CCT8: variants seen among roughly 807,000 people sequenced by gnomAD.
CCT8 encodes the protein T-complex protein 1 subunit theta.
A neutral mutation model predicts 65.7 loss-of-function variants in CCT8; 10 were observed. The observed-to-expected ratio is 0.15, with a 90% CI of 0.09 to 0.26. The LOEUF (loss-of-function observed/expected upper bound fraction) is 0.26. Among genes scored for constraint, CCT8 ranks in the 10% least tolerant of loss-of-function variants. The probability of loss-of-function intolerance (pLI) is 1.00; values close to 1 mark genes in which losing one functional copy is unlikely to be tolerated. For missense variants in CCT8, 568 were observed against 669.1 expected (o/e 0.85, Z 1.67); for synonymous variants, 199 against 221.8 (o/e 0.90, Z 0.92).
intron 13 of CCT8, 132 bp from the exon 14 acceptor site, chr21:29,060,792 A>G (rs1302261987): frequency 1.1e-6 from 1 of 920,132 alleles, no homozygotes; most frequent in Admixed American, 2.6e-5. Flanking sequence ...TTATAGAGTC[A>G]TCCTTTAGTA....
intron 14 of CCT8, among the ~76,000 whole-genome samples, chr21:29,057,125 A>G (rs963612952): frequency 6.7e-6 from 1 of 150,288 alleles, no homozygotes. Context: ...AAAAAGCGCC[A>G]CAAACCTCAC....
chr21:29,070,414 T>C, intron 1 of CCT8, 77 bp from the exon 2 acceptor site: 1 of 796,118 alleles, frequency 1.3e-6, no homozygotes, highest in South Asian at 1.7e-5. Context: ...CAAGATATCT[T>C]TGCTTATATC....
At position 29,056,405 on chromosome 21, in the gene CCT8, G is replaced by C. The variant is rs2085498814; in HGVS notation, c.*70C>G. On this transcript the variant is annotated 3_prime_UTR_variant, in exon 15 of 15. Coordinates refer to ENST00000286788, the MANE Select transcript of CCT8 (RefSeq NM_006585.4). The stretch of plus-strand genomic sequence containing the variant: ...ATAACTCTTAATTTAAGGAGAATAA[G>C]AAAACATCAGGTGATTCTTGAGTAC... 2.6e-6 allele frequency: 2 copies of C among 766,512 alleles called. No homozygotes were observed. The highest frequency in any genetic ancestry group is 6.2e-5 in the South Asian group (2 of 32,098). 47.5% of individuals were successfully genotyped at this position (766,512 alleles called of 1,614,324 possible). A position where few individuals can be genotyped will look rare whatever the true frequency, so the allele number is the denominator to read the frequency against.
intron 14 of CCT8, chr21:29,060,117 T>C (rs1383314562): frequency 1.3e-5 from 2 of 152,572 alleles, no homozygotes; most frequent in Non-Finnish European, 2.9e-5. Flanking sequence ...GAAATATGAT[T>C]TTAAACACCT....
rs753499178 is a variant in CCT8, at chr21:29,067,550, A to C, written c.381+6T>G. 6.9e-7 allele frequency: 1 copy of C among 1,444,510 alleles called. No homozygotes were observed. Among genetic ancestry groups the C allele is most frequent in the Non-Finnish European group, 9.1e-7 (1 of 1,102,698 alleles). 89.5% of individuals were successfully genotyped at this position (1,444,510 alleles called of 1,614,324 possible). ...TAGTAGGAGTAAATTATAAATGAACACTTGCCTCTGAAACTGACAGGCCAA... is the reference window on the plus strand; with the variant it reads ...TAGTAGGAGTAAATTATAAATGAACCCTTGCCTCTGAAACTGACAGGCCAA... On this transcript the variant is annotated splice_donor_region_variant and intron_variant, in intron 4 of 14. Coordinates refer to ENST00000286788, the MANE Select transcript of CCT8 (RefSeq NM_006585.4).
In CCT8 at chr21:29,062,526, A is replaced by G. The variant is rs2085575712; in HGVS notation, c.972T>C (p.Leu324=). 6.2e-7 allele frequency: 1 copy of G among 1,613,976 alleles called. No homozygotes were observed. ...GAGCTGTAGCACCAACAGTTTTACAAAGTCTTCGGAGATCCCATTTTGAGT... is the reference window on the plus strand; with the variant it reads ...GAGCTGTAGCACCAACAGTTTTACAGAGTCTTCGGAGATCCCATTTTGAGT... The part of the protein sequence containing the change: ...RLNSKWDLRR[L]CKTVGATALP... Residue 324 remains leucine (L), a synonymous_variant, in exon 9 of 15, where the codon CTT becomes CTC. Coordinates refer to ENST00000286788, the MANE Select transcript of CCT8 (RefSeq NM_006585.4).
At chr21:29,059,135 C>T (rs2085535583) in intron 14 of CCT8, among the ~76,000 whole-genome samples, 1 of 152,224 alleles carries the variant, frequency 6.6e-6, no homozygotes, top group Admixed American at 6.5e-5. Flanking sequence ...TGGGACCATA[C>T]TTTGAGAACT....
At chr21:29,057,849 TATATATG>T (rs1373455775) in intron 14 of CCT8, among the ~76,000 whole-genome samples, 2 of 151,336 alleles carry the variant, frequency 1.3e-5, no homozygotes, top group East Asian at 3.9e-4. Flanking sequence ...ACATATCAGA[TATATATG>T]ATATATATCT....
chr21:29,069,502 C>A lies in CCT8; in HGVS notation c.152G>T (p.Gly51Val). ...QTTRTAYGPN[G>V]MNKMVINHLE... ...GTGGTTGATAACCATTTTGTTCATTCCTCAAAAGTAACAGTTAAAAAAAGA... is the reference window on the plus strand; with the variant it reads ...GTGGTTGATAACCATTTTGTTCATTACTCAAAAGTAACAGTTAAAAAAAGA... The change falls in exon 3 of 15, where the codon GGA (glycine) becomes GTA (valine). Residue 51 changes from glycine (G) to valine (V), a missense_variant and splice_region_variant. Physicochemically the swap from Gly to Val is moderately radical, Grantham distance 109. Coordinates refer to ENST00000286788, the MANE Select transcript of CCT8 (RefSeq NM_006585.4). 1 of 1,540,536 alleles carries A rather than the reference C, an allele frequency of 6.5e-7. No individual in the cohort carries two copies. The highest frequency in any genetic ancestry group is 1.3e-5 in the South Asian group (1 of 78,624).
intron 6 of CCT8, 119 bp downstream of exon 6, chr21:29,066,597 A>C: frequency 1.7e-6 from 1 of 605,946 alleles, no homozygotes; most frequent in Non-Finnish European, 2.9e-6. Context: ...TAAGTGTTCA[A>C]ATCATGAAGT....
intron 2 of CCT8, 31 bp downstream of exon 2, chr21:29,070,216 G>T: frequency 7.4e-7 from 1 of 1,346,980 alleles, no homozygotes; most frequent in South Asian, 1.2e-5. Context: ...TTCTACTACT[G>T]TATCTTTACA....
At position 29,061,537 on chromosome 21, in the gene CCT8, T is replaced by A. The variant is rs750337571; in HGVS notation, c.1243A>T (p.Thr415Ser). ...DKRLVPGGGA[T>S]EIELAKQITS... ...ATCTGTTTGGCTAATTCAATTTCTGTTGCTCCACCTCCGGGTACAAGACGT... is the reference window on the plus strand; with the variant it reads ...ATCTGTTTGGCTAATTCAATTTCTGATGCTCCACCTCCGGGTACAAGACGT... The change falls in exon 12 of 15, where the codon ACA (threonine) becomes TCA (serine). Residue 415 changes from threonine to serine, a missense_variant. Transcript: ENST00000286788. 3.7e-6 allele frequency: 6 copies of A among 1,613,942 alleles called. No individual in the cohort carries two copies. The South Asian group carries it at 6.6e-5, about 18-fold the overall frequency.
At chr21:29,058,632 C>T (rs1274986816) in intron 14 of CCT8, among the ~76,000 whole-genome samples, 2 of 150,346 alleles carry the variant, frequency 1.3e-5, no homozygotes, top group African/African-American at 4.9e-5. Flanking sequence ...TGCTCTGTCG[C>T]CCAGGCTGGA....
Position 29,056,395 on chromosome 21 carries a change from AG to A in CCT8, c.*79del. 1 of 679,620 alleles carries A rather than the reference AG, an allele frequency of 1.5e-6. No homozygotes were observed. The highest frequency in any genetic ancestry group is 3.5e-5 in the South Asian group (1 of 28,474). The allele number at this position is 679,620 out of a possible 1,614,324, so 42.1% of individuals were successfully genotyped here. ...CAAACACAAAATAACTCTTAATTTA[AG>A]GAGAATAAGAAAACATCAGGTGATT... On this transcript the variant is annotated 3_prime_UTR_variant, in exon 15 of 15. Transcript: ENST00000286788.
rs750400684 is a variant in CCT8 at position 29,064,931 on chromosome 21, C to T, written c.762+37G>A. On this transcript the variant is annotated intron_variant, in intron 7 of 14. Transcript: ENST00000286788. ...TAACTCAAACAATCTGAAAGTGCAA[C>T]CCCAATTATTACTTTTAAGGTTTGA... 3.1e-6 allele frequency: 5 copies of T among 1,595,344 alleles called. No individual in the cohort carries two copies. In the African/African-American group the frequency reaches 4.0e-5, roughly 13 times the overall value.
chr21:29,065,277 C>T lies in CCT8; in HGVS notation c.625-172G>A, dbSNP rs141148644. ...TGGACATACAGCACACCCTTCTGCT[C>T]GAGGCAGAAATCACTGAGGGAATGA... On this transcript the variant is annotated intron_variant, in intron 6 of 14. Coordinates refer to ENST00000286788, the MANE Select transcript of CCT8 (RefSeq NM_006585.4). 2.6e-4 allele frequency among the ~76,000 whole-genome samples: 40 copies of T among 152,282 alleles called. No individual in the cohort carries two copies. In the East Asian group the frequency reaches 6.9e-3, roughly 26 times the overall value.
In CCT8 at chr21:29,067,335, G is replaced by GA. The variant is rs201057413; in HGVS notation, c.381+220dup. Among the ~76,000 whole-genome samples the GA allele has an allele frequency of 8.7e-3, 1,326 of 151,786 alleles. 14 individuals carry two copies. Among genetic ancestry groups the GA allele is most frequent in the African/African-American group, 0.03 (1,229 of 41,380 alleles). On this transcript the variant is annotated intron_variant, in intron 4 of 14. Transcript: ENST00000286788. ...TCTTTTCTCATCTAAAATAAAGTGG[G>GA]AAAAAAAATAGATAAAATGGGATTA... is the stretch of plus-strand genomic sequence containing the variant.
rs778808183 is a variant in CCT8, at chr21:29,061,414, A to G, written c.1288T>C (p.Cys430Arg). The change falls in exon 13 of 15, where the codon TGT (cysteine) becomes CGT (arginine). Residue 430 changes from cysteine to arginine, a missense_variant. Coordinates refer to ENST00000286788, the MANE Select transcript of CCT8 (RefSeq NM_006585.4). Reference sequence around the variant, plus strand: ...ATAGCATACTGTTCAAGTCCAGGACATGTCTAAAACAAAAATGCGTTAATT... The same window carrying G: ...ATAGCATACTGTTCAAGTCCAGGACGTGTCTAAAACAAAAATGCGTTAATT... ...AKQITSYGET[C>R]PGLEQYAIKK... is the part of the protein sequence containing the mutation. 1.2e-6 allele frequency: 2 copies of G among 1,613,892 alleles called. No homozygotes were observed. Among genetic ancestry groups the G allele is most frequent in the South Asian group, 1.1e-5 (1 of 91,076 alleles).
chr21:29,069,480 G>T lies in CCT8; in HGVS notation c.174C>A (p.Asn58Lys). The T allele has an allele frequency of 6.4e-7, 1 of 1,572,018 alleles. No individual in the cohort carries two copies. The highest frequency in any genetic ancestry group is 1.2e-5 in the South Asian group (1 of 83,076). Residue 58 changes from asparagine to lysine, a missense_variant, in exon 3 of 15, where the codon AAC becomes AAA. Coordinates refer to ENST00000286788, the MANE Select transcript of CCT8 (RefSeq NM_006585.4). ...TTGTCACAAACAACTTCTCCAAGTG[G>T]TTGATAACCATTTTGTTCATTCCTC... The part of the protein sequence containing the change: ...GPNGMNKMVI[N>K]HLEKLFVTND...
Sources: allele counts gnomAD v4.1 joint callset (sites outside exome capture counted in the v4.1 genomes callset), GRCh38; gene constraint gnomAD v4.1.1; transcripts MANE v1.5; gene names NCBI Gene and HGNC (gene_info 2026-07-23, HGNC 2026-07-21).